The following TMTC2 variants were observed in gnomAD, a reference collection of about 807,000 sequenced individuals.
The protein encoded by TMTC2 is protein O-mannosyl-transferase TMTC2.
Under a neutral mutation model 82.4 loss-of-function variants are expected in TMTC2, and 43 were observed. That is an observed-to-expected ratio of 0.52 (90% CI 0.41 to 0.67). The LOEUF (loss-of-function observed/expected upper bound fraction) is 0.67, where lower values mean the gene tolerates loss of function less well. Ranked by LOEUF, TMTC2 falls within the 30% of genes least tolerant of loss-of-function variation. The pLI, the probability that TMTC2 is intolerant of heterozygous loss-of-function variation, is 0.00. For synonymous variants in TMTC2, 408 were observed against 381.9 expected (o/e 1.07, Z -0.80); for missense variants, 919 against 1,012.4 (o/e 0.91, Z 1.25).
At chr12:82,824,011 A>G (rs1374538630) in intron 1 of TMTC2, among the ~76,000 whole-genome samples, 2 of 150,890 alleles carry the variant, frequency 1.3e-5, no homozygotes, top group East Asian at 2.0e-4. Context: ...CTTGTGCCTC[A>G]GCCTCTCAAG....
intron 11 of TMTC2, among the ~76,000 whole-genome samples, chr12:83,084,896 A>G (rs1372786178): frequency 6.6e-6 from 1 of 152,232 alleles, no homozygotes; most frequent in Non-Finnish European, 1.5e-5. Context: ...TGGTGGAGGA[A>G]TAATTTTAAA....
At chr12:83,126,099 T>C (rs537720297) in intron 11 of TMTC2, among the ~76,000 whole-genome samples, 1 of 152,296 alleles carries the variant, frequency 6.6e-6, no homozygotes, top group African/African-American at 2.4e-5. Flanking sequence ...GATGTCTAAG[T>C]CTGAAAAATA....
intron 1 of TMTC2, among the ~76,000 whole-genome samples, chr12:82,826,155 C>T (rs1024958262): frequency 6.6e-6 from 1 of 152,140 alleles, no homozygotes; most frequent in Non-Finnish European, 1.5e-5. Flanking sequence ...ATCTTTTCAT[C>T]CAGTGAAATA....
intron 4 of TMTC2, among the ~76,000 whole-genome samples, chr12:82,935,233 G>T (rs1876253630): frequency 6.6e-6 from 1 of 151,994 alleles, no homozygotes; most frequent in Admixed American, 6.6e-5. Flanking sequence ...AATATCATTT[G>T]ATATCATTTG....
chr12:82,954,406 T>C (rs1290218754), intron 4 of TMTC2, among the ~76,000 whole-genome samples: 2 of 152,230 alleles, frequency 1.3e-5, no homozygotes, highest in Admixed American at 6.5e-5. Context: ...TGCTTGTCTG[T>C]CTTCACTGTG....
At chr12:82,691,301 A>G (rs141028745) in intron 1 of TMTC2, among the ~76,000 whole-genome samples, 57 of 152,108 alleles carry the variant, frequency 3.7e-4, no homozygotes, top group African/African-American at 1.3e-3. Flanking sequence ...TTACCTGTAG[A>G]TCTCTTAGCT....
chr12:83,018,058 T>G (rs1880758774), intron 8 of TMTC2, among the ~76,000 whole-genome samples: 1 of 149,552 alleles, frequency 6.7e-6, no homozygotes, highest in Admixed American at 6.7e-5. Context: ...TGTATATATA[T>G]ATATATAAAA....
chr12:82,976,921 A>G (rs1304288833), intron 7 of TMTC2, among the ~76,000 whole-genome samples: 1 of 152,084 alleles, frequency 6.6e-6, no homozygotes, highest in Non-Finnish European at 1.5e-5. Context: ...AAGTAGATAC[A>G]TAATGTGATC....
At chr12:83,073,164 C>T (rs1883174251) in intron 11 of TMTC2, among the ~76,000 whole-genome samples, 1 of 151,604 alleles carries the variant, frequency 6.6e-6, no homozygotes, top group Non-Finnish European at 1.5e-5. Context: ...TTTAGCAGTT[C>T]TTGTAGTGGT....
intron 2 of TMTC2, among the ~76,000 whole-genome samples, chr12:82,875,032 T>C (rs1256898695): frequency 2.0e-5 from 3 of 152,192 alleles, no homozygotes; most frequent in Non-Finnish European, 2.9e-5. Flanking sequence ...CAATGTTTTT[T>C]GCTGTGAGGG....
chr12:82,815,867 A>C (rs1360364592), intron 1 of TMTC2, among the ~76,000 whole-genome samples: 1 of 152,092 alleles, frequency 6.6e-6, no homozygotes, highest in African/African-American at 2.4e-5. Flanking sequence ...CAAAGGATAA[A>C]TCTTCACAGG....
intron 3 of TMTC2, among the ~76,000 whole-genome samples, chr12:82,912,055 A>C (rs911965444): frequency 2.0e-5 from 3 of 152,210 alleles, no homozygotes; most frequent in Non-Finnish European, 4.4e-5. Flanking sequence ...CTCTCAGCCC[A>C]TTCTTTCAGT....
intron 2 of TMTC2, among the ~76,000 whole-genome samples, chr12:82,883,187 G>C (rs1872923812): frequency 6.6e-6 from 1 of 151,474 alleles, no homozygotes; most frequent in Admixed American, 6.6e-5. Context: ...GTTATGCCCA[G>C]ATAAATGGCC....
intron 1 of TMTC2, among the ~76,000 whole-genome samples, chr12:82,723,890 AC>A (rs1242700264): frequency 6.6e-6 from 1 of 152,140 alleles, no homozygotes; most frequent in African/African-American, 2.4e-5. Context: ...TAGCTAAAGA[AC>A]CACCTGAGTT....
chr12:83,107,857 T>A (rs1282351330), intron 11 of TMTC2, among the ~76,000 whole-genome samples: 1 of 152,186 alleles, frequency 6.6e-6, no homozygotes, highest in East Asian at 1.9e-4. Flanking sequence ...TGGATTGGTG[T>A]CCCTGCCCAA....
intron 1 of TMTC2, among the ~76,000 whole-genome samples, chr12:82,795,885 T>A (rs1191576090): frequency 6.6e-6 from 1 of 152,140 alleles, no homozygotes; most frequent in Non-Finnish European, 1.5e-5. Flanking sequence ...AGTGTTTTGT[T>A]ATAGAAGGAC....
intron 9 of TMTC2, among the ~76,000 whole-genome samples, chr12:83,031,824 A>G (rs1592705704): frequency 1.3e-5 from 2 of 152,222 alleles, no homozygotes; most frequent in East Asian, 1.9e-4. Context: ...TCAAATAACC[A>G]CAAATCCATT....
At chr12:82,790,935 G>A (rs558235210) in intron 1 of TMTC2, among the ~76,000 whole-genome samples, 1 of 151,832 alleles carries the variant, frequency 6.6e-6, no homozygotes, top group African/African-American at 2.4e-5. Context: ...TGTTATAATT[G>A]CTGGGGAGCT....
chr12:83,028,574 G>T (rs996311071), intron 8 of TMTC2, among the ~76,000 whole-genome samples: 2 of 152,032 alleles, frequency 1.3e-5, no homozygotes, highest in African/African-American at 4.8e-5. Flanking sequence ...CACCATTACT[G>T]TATCAGATGA....
Sources: gnomAD v4.1 joint callset for allele counts (sites outside exome capture counted in the v4.1 genomes callset) on GRCh38, gnomAD v4.1.1 for gene constraint, MANE v1.5 for transcripts, NCBI Gene and HGNC (gene_info 2026-07-23, HGNC 2026-07-21) for gene names.